ZCCHC2: variants seen among roughly 807,000 people sequenced by gnomAD.
ZCCHC2 encodes the protein zinc finger CCHC-type containing 2, also known as zinc finger CCHC domain-containing protein 2.
Under a neutral mutation model 103.6 loss-of-function variants are expected in ZCCHC2, and 39 were observed. The observed-to-expected ratio is 0.38, with a 90% CI of 0.29 to 0.49. ZCCHC2 has a LOEUF of 0.49. Among genes scored for constraint, ZCCHC2 ranks in the 20% least tolerant of loss-of-function variants. The pLI is 0.96. For synonymous variants in ZCCHC2, 687 were observed against 608.9 expected, an observed-to-expected ratio of 1.13 and a Z score of -1.89; for missense variants, 1,483 against 1,491.0, an observed-to-expected ratio of 0.99 and a Z score of 0.09.
chr18:62,527,339 T>A (rs1011605585), intron 1 of ZCCHC2, among the ~76,000 whole-genome samples: 1 of 152,162 alleles, frequency 6.6e-6, no homozygotes, highest in Admixed American at 6.5e-5. Context: ...TTACATGCTT[T>A]GAAGTTGACT....
At chr18:62,570,071 A>G in intron 11 of ZCCHC2, 32 bp from the exon 12 acceptor site, 1 of 1,539,130 alleles carries the variant, frequency 6.5e-7, no homozygotes, top group East Asian at 2.3e-5. Context: ...ATGACTTAAC[A>G]TGATTTTTTA....
At chr18:62,564,548 T>A (rs1208190206) in intron 9 of ZCCHC2, 23 bp from the exon 10 acceptor site, 2 of 1,487,288 alleles carry the variant, frequency 1.3e-6, no homozygotes, top group African/African-American at 1.4e-5. Flanking sequence ...TTGTCTGATT[T>A]GTCTTTTTAT....
chr18:62,558,811 A>G (rs1915997096), intron 7 of ZCCHC2, 41 bp downstream of exon 7: 1 of 1,312,110 alleles, frequency 7.6e-7, no homozygotes, highest in African/African-American at 1.5e-5. Flanking sequence ...CTGCCTGCTG[A>G]TAGCACATGG....
chr18:62,575,165 G>T lies in ZCCHC2; in HGVS notation c.3084G>T (p.Gln1028His). The T allele has an allele frequency of 6.2e-7, 1 of 1,614,032 alleles. No individual in the cohort carries two copies. The highest frequency in any genetic ancestry group is 8.5e-7 in the Non-Finnish European group (1 of 1,179,894). ...GCTGTGGGACCAATGGAAACCTTCA[G>T]CTAAATAGTTACTATTATCCTAATC... ...RCSCGTNGNL[Q>H]LNSYYYPNPM... Residue 1028 changes from glutamine to histidine, a missense_variant, in exon 13 of 14, where the codon CAG becomes CAT. Coordinates refer to ENST00000269499, the MANE Select transcript of ZCCHC2 (RefSeq NM_017742.6).
intron 6 of ZCCHC2, among the ~76,000 whole-genome samples, chr18:62,556,943 C>T (rs1428434426): frequency 6.6e-6 from 1 of 152,172 alleles, no homozygotes; most frequent in African/African-American, 2.4e-5. Context: ...CTCACTGTGA[C>T]CTTCCGGGAG....
intron 5 of ZCCHC2, among the ~76,000 whole-genome samples, chr18:62,555,351 A>C (rs1041049825): frequency 1.3e-5 from 2 of 152,250 alleles, no homozygotes; most frequent in African/African-American, 4.8e-5. Context: ...GACTCATGGC[A>C]TGATACACAT....
In ZCCHC2 at chr18:62,556,193, T is replaced by G. The variant is rs1331785199; in HGVS notation, c.1314-10T>G. Reference sequence around the variant, plus strand: ...TGAAATTAACAAATCTCTTTTCTTTTTATGTGCAGGCAGCTATTTTCAAGT... The same window carrying G: ...TGAAATTAACAAATCTCTTTTCTTTGTATGTGCAGGCAGCTATTTTCAAGT... On this transcript the variant is annotated splice_polypyrimidine_tract_variant and intron_variant, in intron 5 of 13. Coordinates refer to ENST00000269499, the MANE Select transcript of ZCCHC2 (RefSeq NM_017742.6). 1 of 1,582,150 alleles carries G rather than the reference T, an allele frequency of 6.3e-7. No individual in the cohort carries two copies. The highest frequency in any genetic ancestry group is 8.6e-7 in the Non-Finnish European group (1 of 1,163,006).
In ZCCHC2 at chr18:62,542,557, T is replaced by C; in HGVS notation, c.1111T>C (p.Trp371Arg). 6.4e-7 allele frequency: 1 copy of C among 1,563,406 alleles called. No individual in the cohort carries two copies. Among genetic ancestry groups the C allele is most frequent in the Non-Finnish European group, 8.7e-7 (1 of 1,152,518 alleles). Residue 371 changes from tryptophan (W) to arginine (R), a missense_variant, in exon 3 of 14, where the codon TGG (tryptophan) becomes CGG (arginine). By Grantham distance (101) the Trp-to-Arg change is moderately radical. Around this residue, in one of 3 missense-constraint regions of ZCCHC2, gnomAD observed 568 missense variants for 525.1 expected, o/e 1.08. Transcript: ENST00000269499. ...CCAGAGAAAAAGAGCTGACAAATACTGGGAGTACACTTTCAAAGTAAGCCA... is the reference window on the plus strand; with the variant it reads ...CCAGAGAAAAAGAGCTGACAAATACCGGGAGTACACTTTCAAAGTAAGCCA... The part of the protein sequence containing the change: ...GVQRKRADKY[W>R]EYTFKVNWSD...
At chr18:62,527,562 T>C (rs1474332599) in intron 1 of ZCCHC2, among the ~76,000 whole-genome samples, 1 of 152,232 alleles carries the variant, frequency 6.6e-6, no homozygotes, top group African/African-American at 2.4e-5. Flanking sequence ...GGATTACAAC[T>C]TAAATGTCAG....
At chr18:62,580,115 G>A (rs1020880233), downstream of ZCCHC2, among the ~76,000 whole-genome samples, 15 of 152,036 alleles carry the variant, frequency 9.9e-5, no homozygotes, top group African/African-American at 3.6e-4. Context: ...GCTTTATAAG[G>A]GTATCCTTTT....
chr18:62,552,119 A>C (rs1393961424), intron 5 of ZCCHC2: 1 of 152,212 alleles, frequency 6.6e-6, no homozygotes, highest in Non-Finnish European at 1.5e-5. Context: ...CAGTTTGTGC[A>C]CGGTTACCCA....
intron 1 of ZCCHC2, among the ~76,000 whole-genome samples, chr18:62,539,314 A>G (rs1915070895): frequency 6.6e-6 from 1 of 152,230 alleles, no homozygotes; most frequent in Non-Finnish European, 1.5e-5. Flanking sequence ...CAAACAATGA[A>G]TAAAAATGGT....
intron 14 of ZCCHC2, among the ~76,000 whole-genome samples, chr18:62,584,107 C>G (rs772566714): frequency 1.3e-4 from 20 of 152,178 alleles, no homozygotes; most frequent in African/African-American, 4.8e-4. Flanking sequence ...AATTCCTAAA[C>G]GCTGTCCTCT....
intron 11 of ZCCHC2, among the ~76,000 whole-genome samples, chr18:62,569,565 T>G (rs749646149): frequency 6.6e-6 from 1 of 151,962 alleles, no homozygotes; most frequent in Admixed American, 6.6e-5. Flanking sequence ...TCCCTCCTTA[T>G]GTGCTCAAAA....
At position 62,538,545 on chromosome 18, in the gene ZCCHC2, A is replaced by G. The variant is rs975125957; in HGVS notation, c.940-1136A>G. 9.2e-5 allele frequency among the ~76,000 whole-genome samples: 14 copies of G among 152,340 alleles called. 1 individual carries two copies. The highest frequency in any genetic ancestry group is 3.4e-4 in the African/African-American group (14 of 41,580). ...GTCGCATTGAAAATTGGTAAAGGCT[A>G]TCAGGCCAAGTGTTTCAGAAGTTGG... On this transcript the variant is annotated intron_variant, in intron 1 of 13. Coordinates refer to ENST00000269499, the MANE Select transcript of ZCCHC2 (RefSeq NM_017742.6).
chr18:62,523,376 G>GCGGCCCCC lies in ZCCHC2; in HGVS notation c.-48_-47insGGCCCCCC. ...GCCTCGGCCCGTGCTCCACCTCGCG[G>GCGGCCCCC]CCCCTCCCGCCCGCCCCCGCTCGCA... On this transcript the variant is annotated 5_prime_UTR_variant, in exon 1 of 14. Transcript: ENST00000269499. 9.9e-6 allele frequency: 10 copies of GCGGCCCCC among 1,012,342 alleles called. No individual in the cohort carries two copies. Among genetic ancestry groups the GCGGCCCCC allele is most frequent in the African/African-American group, 1.8e-5 (1 of 56,958 alleles). The allele number at this position is 1,012,342 out of a possible 1,614,324, so 62.7% of individuals were successfully genotyped here. A position where few individuals can be genotyped will look rare whatever the true frequency, so the allele number is the denominator to read the frequency against.
At chr18:62,571,966 T>C (rs1464941769) in intron 12 of ZCCHC2, among the ~76,000 whole-genome samples, 2 of 152,260 alleles carry the variant, frequency 1.3e-5, no homozygotes. Context: ...CCACCAATTC[T>C]TCTAATCTGA....
chr18:62,523,321 A>G lies in ZCCHC2; in HGVS notation c.-104A>G. ...CCCCGGCCCTCCCCCGGCGGCATGG[A>G]GGGGCCCCGCTCCTGACGGCCGCGC... On this transcript the variant is annotated 5_prime_UTR_variant, in exon 1 of 14. Transcript: ENST00000269499. 1 of 698,852 alleles carries G rather than the reference A, an allele frequency of 1.4e-6. No homozygotes were observed. The highest frequency in any genetic ancestry group is 1.7e-6 in the Non-Finnish European group (1 of 576,630). 43.3% of individuals were successfully genotyped at this position (698,852 alleles called of 1,614,324 possible).
Position 62,574,434 on chromosome 18 carries a change from C to T in ZCCHC2, c.2353C>T (p.His785Tyr). The T allele has an allele frequency of 6.2e-7, 1 of 1,613,992 alleles. No individual in the cohort carries two copies. Among genetic ancestry groups the T allele is most frequent in the Non-Finnish European group, 8.5e-7 (1 of 1,179,892 alleles). Residue 785 changes from histidine (H) to tyrosine (Y), a missense_variant, in exon 13 of 14, where the codon CAC becomes TAC. Transcript: ENST00000269499. The part of the protein sequence containing the change: ...PTACTGESEK[H>Y]LELLASPLPI... ...AGCTTGCACTGGAGAATCGGAAAAG[C>T]ACCTTGAGTTACTGGCTTCCCCTTT...
Sources: allele counts gnomAD v4.1 joint callset (sites outside exome capture counted in the v4.1 genomes callset), GRCh38; gene constraint gnomAD v4.1.1; regional missense constraint gnomAD v4.1.1; transcripts MANE v1.5; gene names NCBI Gene and HGNC (gene_info 2026-07-23, HGNC 2026-07-21).